CLSTN2: variants seen among roughly 807,000 people sequenced by gnomAD.
CLSTN2 encodes the protein calsyntenin 2.
In CLSTN2, 48 loss-of-function variants were observed where a neutral mutation model predicts 101.2. The observed-to-expected ratio is 0.47, with a 90% confidence interval of 0.38 to 0.60. The LOEUF is 0.60. CLSTN2 is among the 20% of genes least tolerant of loss of function. The pLI, the probability that CLSTN2 is intolerant of heterozygous loss-of-function variation, is 0.00. For synonymous variants in CLSTN2, 481 were observed against 463.6 expected (o/e 1.04, Z -0.48); for missense variants, 1,160 against 1,238.2 (o/e 0.94, Z 0.95).
At chr3:140,427,242 T>TATACAC (rs2088582044) in intron 5 of CLSTN2, among the ~76,000 whole-genome samples, 1 of 127,380 alleles carries the variant, frequency 7.9e-6, no homozygotes, top group Non-Finnish European at 1.5e-5. Context: ...TATATATATA[T>TATACAC]ATACATATAT....
At chr3:140,078,685 A>G (rs1200038140) in intron 1 of CLSTN2, among the ~76,000 whole-genome samples, 1 of 152,226 alleles carries the variant, frequency 6.6e-6, no homozygotes, top group Non-Finnish European at 1.5e-5. Flanking sequence ...TTATAAAAAG[A>G]ACAAAGAAAA....
intron 1 of CLSTN2, among the ~76,000 whole-genome samples, chr3:140,153,643 C>T (rs2009904486): frequency 6.6e-6 from 1 of 152,100 alleles, no homozygotes. Flanking sequence ...TGAATTCCTT[C>T]TTTGAAAGCT....
intron 1 of CLSTN2, among the ~76,000 whole-genome samples, chr3:140,141,729 A>G (rs553418963): frequency 4.3e-4 from 66 of 152,276 alleles, no homozygotes; most frequent in African/African-American, 1.5e-3. Flanking sequence ...GACCTGGCAC[A>G]TGCACGCCAC....
intron 1 of CLSTN2, among the ~76,000 whole-genome samples, chr3:140,092,227 A>G (rs184681981): frequency 6.6e-6 from 1 of 152,296 alleles, no homozygotes; most frequent in African/African-American, 2.4e-5. Flanking sequence ...CAATTCACTG[A>G]AGAATCCTCC....
chr3:140,127,309 A>G (rs1465269089), intron 1 of CLSTN2, among the ~76,000 whole-genome samples: 1 of 152,172 alleles, frequency 6.6e-6, no homozygotes, highest in Non-Finnish European at 1.5e-5. Context: ...GATAGCAATA[A>G]TAACACTCCA....
intron 2 of CLSTN2, among the ~76,000 whole-genome samples, chr3:140,240,174 CTATA>C (rs1226140178): frequency 0.015 from 195 of 13,342 alleles, 6 homozygotes; most frequent in African/African-American, 0.019. Context: ...CTCTCTCTCT[CTATA>C]TATATATATA....
chr3:139,966,251 C>T (rs1484405255), intron 1 of CLSTN2, among the ~76,000 whole-genome samples: 1 of 152,210 alleles, frequency 6.6e-6, no homozygotes, highest in Non-Finnish European at 1.5e-5. Flanking sequence ...GGGACATCAT[C>T]CTCAAACCCA....
chr3:140,393,710 A>C (rs1244438776), intron 2 of CLSTN2, among the ~76,000 whole-genome samples: 3 of 152,140 alleles, frequency 2.0e-5, no homozygotes, highest in Admixed American at 2.0e-4. Context: ...GGTCTGACTA[A>C]TGTATCACCT....
chr3:140,570,091 G>C lies in CLSTN2; in HGVS notation c.*3838G>C, dbSNP rs1409753880. On this transcript the variant is annotated 3_prime_UTR_variant, in exon 17 of 17. Transcript: ENST00000458420. ...TATACATGGACCATCCAGTGAGAGA[G>C]CTGGGGGTGGTGAGAAGCAATGTCC... The C allele has an allele frequency of 6.6e-6, 1 of 152,196 alleles. No homozygotes were observed. The highest frequency in any genetic ancestry group is 1.5e-5 in the Non-Finnish European group (1 of 68,040). 9.4% of individuals were successfully genotyped at this position (152,196 alleles called of 1,614,324 possible).
chr3:140,264,562 A>G (rs186987106), intron 2 of CLSTN2, among the ~76,000 whole-genome samples: 6 of 152,056 alleles, frequency 3.9e-5, no homozygotes, highest in Admixed American at 3.9e-4. Flanking sequence ...TCCAAGTGAT[A>G]GTTCAATATT....
intron 2 of CLSTN2, among the ~76,000 whole-genome samples, chr3:140,249,056 C>A (rs147794671): frequency 6.6e-6 from 1 of 152,158 alleles, no homozygotes; most frequent in East Asian, 1.9e-4. Flanking sequence ...TGTTTTTTTG[C>A]TCCCAGTCAC....
chr3:140,187,880 G>C (rs2010505427), intron 2 of CLSTN2, among the ~76,000 whole-genome samples: 1 of 152,032 alleles, frequency 6.6e-6, no homozygotes, highest in South Asian at 2.1e-4. Context: ...TGCTGAGATG[G>C]GCCATATAAT....
At chr3:140,065,680 C>T (rs1244654483) in intron 1 of CLSTN2, among the ~76,000 whole-genome samples, 1 of 152,136 alleles carries the variant, frequency 6.6e-6, no homozygotes, top group African/African-American at 2.4e-5. Flanking sequence ...TCTCTCTAGA[C>T]CAGAAGGTCA....
intron 1 of CLSTN2, among the ~76,000 whole-genome samples, chr3:140,031,620 G>A (rs1000937366): frequency 6.6e-6 from 1 of 152,144 alleles, no homozygotes; most frequent in African/African-American, 2.4e-5. Flanking sequence ...AACTGTATTG[G>A]TTTGAATATG....
At chr3:140,345,245 C>CTTTTTTTTTTTTTTTTTTTTTTTTTTT (rs569774722) in intron 2 of CLSTN2, among the ~76,000 whole-genome samples, 1 of 135,992 alleles carries the variant, frequency 7.4e-6, no homozygotes. Flanking sequence ...TGGATATAGC[C>CTTTTTTTTTTTTTTTTTTTTTTTTTTT]TTTTTTTCTT....
At chr3:140,319,573 G>A (rs1385660140) in intron 2 of CLSTN2, among the ~76,000 whole-genome samples, 5 of 152,212 alleles carry the variant, frequency 3.3e-5, no homozygotes, top group Non-Finnish European at 7.3e-5. Flanking sequence ...TTAGGGAAGG[G>A]CTAGCTTCAG....
chr3:140,225,668 T>C (rs2086312135), intron 2 of CLSTN2, among the ~76,000 whole-genome samples: 1 of 152,056 alleles, frequency 6.6e-6, no homozygotes, highest in South Asian at 2.1e-4. Context: ...CAGCTAATTT[T>C]TATATTCTTA....
intron 2 of CLSTN2, among the ~76,000 whole-genome samples, chr3:140,360,027 C>CACACACAT (rs1553736151): frequency 6.9e-6 from 1 of 145,300 alleles, no homozygotes; most frequent in African/African-American, 2.6e-5. Context: ...CACACACACA[C>CACACACAT]ATATATATAT....
chr3:140,273,034 A>G (rs2086758488), intron 2 of CLSTN2, among the ~76,000 whole-genome samples: 1 of 152,180 alleles, frequency 6.6e-6, no homozygotes, highest in Non-Finnish European at 1.5e-5. Flanking sequence ...AGAAGCACCC[A>G]AGAGGAGGGA....
Sources: gnomAD v4.1 joint callset for allele counts (sites outside exome capture counted in the v4.1 genomes callset) on GRCh38, gnomAD v4.1.1 for gene constraint, MANE v1.5 for transcripts, NCBI Gene and HGNC (gene_info 2026-07-23, HGNC 2026-07-21) for gene names.